The following RNF212 variants were observed in gnomAD, a reference collection of about 807,000 sequenced individuals.
RNF212 encodes probable E3 SUMO-protein ligase RNF212.
A neutral mutation model predicts 34.7 loss-of-function variants in RNF212; 33 were observed. That is an observed-to-expected ratio of 0.95 (90% CI 0.72 to 1.27). The LOEUF is 1.27. RNF212 is among the 50% of genes most tolerant of loss of function. The pLI is 0.00. For synonymous variants in RNF212, 140 were observed against 136.1 expected, an observed-to-expected ratio of 1.03 and a Z score of -0.20; for missense variants, 377 against 362.2, an observed-to-expected ratio of 1.04 and a Z score of -0.33.
At chr4:1,093,795 T>G (rs1295935555) in intron 3 of RNF212, 1 of 1,535,736 alleles carries the variant, frequency 6.5e-7, no homozygotes, top group Admixed American at 2.0e-5. Context: ...TGGAGCAGGG[T>G]GAGGGGGTGA....
chr4:1,112,164 G>A (rs1725779446), intron 1 of RNF212, among the ~76,000 whole-genome samples: 1 of 152,132 alleles, frequency 6.6e-6, no homozygotes, highest in Admixed American at 6.5e-5. Context: ...CCGAGATCCC[G>A]CCACCGAACT....
At chr4:1,074,294 G>A (rs1718921770) in intron 8 of RNF212, among the ~76,000 whole-genome samples, 1 of 152,172 alleles carries the variant, frequency 6.6e-6, no homozygotes, top group Non-Finnish European at 1.5e-5. Flanking sequence ...TCTAGTTGCT[G>A]CCCCTTCCTG....
At chr4:1,077,125 G>A (rs1719438689) in intron 8 of RNF212, among the ~76,000 whole-genome samples, 1 of 152,206 alleles carries the variant, frequency 6.6e-6, no homozygotes, top group East Asian at 1.9e-4. Flanking sequence ...CTACTCGGGA[G>A]GCTGAGGCAG....
chr4:1,079,763 T>A (rs1720029468), intron 7 of RNF212, 75 bp from the exon 8 acceptor site: 1 of 964,336 alleles, frequency 1.0e-6, no homozygotes, highest in Non-Finnish European at 1.7e-6. Flanking sequence ...AATACACACA[T>A]GACGAGATGA....
chr4:1,060,146 G>C (rs10084890), intron 3 of RNF212, among the ~76,000 whole-genome samples: 118,939 of 149,600 alleles, frequency 0.8, 47,787 homozygotes, highest in African/African-American at 0.89. Flanking sequence ...TTACTCAATG[G>C]AAATTTTTCA....
intron 5 of RNF212, among the ~76,000 whole-genome samples, chr4:1,082,365 C>T (rs1421174895): frequency 1.3e-5 from 2 of 152,170 alleles, no homozygotes; most frequent in African/African-American, 4.8e-5. Context: ...CTGAGATGCA[C>T]ACGTAAGACT....
chr4:1,090,683 G>A (rs1722049195), intron 4 of RNF212, 99 bp downstream of exon 4: 2 of 751,370 alleles, frequency 2.7e-6, no homozygotes. Flanking sequence ...ATTGCATCTA[G>A]CAGCCATCCC....
intron 2 of RNF212, chr4:1,101,203 T>C (rs147238314): frequency 9.9e-5 from 26 of 263,444 alleles, no homozygotes; most frequent in Admixed American, 2.3e-4. Context: ...GCACTCACAG[T>C]GCAGTAGCCG....
chr4:1,056,791 G>A (rs888148593), intron 4 of RNF212: 43 of 952,662 alleles, frequency 4.5e-5, no homozygotes, highest in Admixed American at 1.2e-4. Flanking sequence ...CTTTACACAC[G>A]CACTTTCCCA....
intron 5 of RNF212, among the ~76,000 whole-genome samples, chr4:1,082,926 G>C (rs558742754): frequency 5.9e-5 from 9 of 152,218 alleles, no homozygotes; most frequent in Non-Finnish European, 1.2e-4. Flanking sequence ...GCACTGTTTC[G>C]TGGGAGCAAG....
At position 1,072,644 on chromosome 4, in the gene RNF212, C is replaced by A; in HGVS notation, c.*230G>T. On this transcript the variant is annotated 3_prime_UTR_variant, in exon 10 of 10. Coordinates refer to ENST00000433731, the MANE Select transcript of RNF212 (RefSeq NM_001131034.4). ...AAAAAAAACTCCCTAAGCATGAGAA[C>A]CTATAAAATAAAAGGGATAATAACA... 2.7e-6 allele frequency: 3 copies of A among 1,099,736 alleles called. No homozygotes were observed. The highest frequency in any genetic ancestry group is 3.4e-6 in the Non-Finnish European group (3 of 874,012). The allele number at this position is 1,099,736 out of a possible 1,614,324, so 68.1% of individuals were successfully genotyped here. A position where few individuals can be genotyped will look rare whatever the true frequency, so the allele number is the denominator to read the frequency against.
chr4:1,092,779 G>T (rs531386414), intron 3 of RNF212, among the ~76,000 whole-genome samples: 2 of 152,224 alleles, frequency 1.3e-5, no homozygotes, highest in Non-Finnish European at 2.9e-5. Context: ...TGCTTTGCCC[G>T]CATCCTGCGA....
chr4:1,063,385 A>G (rs1717874729), intron 3 of RNF212, among the ~76,000 whole-genome samples: 1 of 152,216 alleles, frequency 6.6e-6, no homozygotes, highest in East Asian at 1.9e-4. Flanking sequence ...CACCTACAGG[A>G]CAATACGATT....
At chr4:1,066,804 G>A (rs1718126410), downstream of RNF212, among the ~76,000 whole-genome samples, 1 of 152,040 alleles carries the variant, frequency 6.6e-6, no homozygotes, top group African/African-American at 2.4e-5. Flanking sequence ...AAATTTTCAT[G>A]AGGTCAATTT....
At chr4:1,077,304 G>A (rs1464740130) in intron 8 of RNF212, among the ~76,000 whole-genome samples, 3 of 152,176 alleles carry the variant, frequency 2.0e-5, no homozygotes, top group Non-Finnish European at 4.4e-5. Context: ...CCTCACTTAG[G>A]AACTTTGATT....
At chr4:1,098,525 G>A (rs1723417303) in intron 2 of RNF212, among the ~76,000 whole-genome samples, 2 of 152,184 alleles carry the variant, frequency 1.3e-5, no homozygotes, top group African/African-American at 4.8e-5. Context: ...CAACAGAGGG[G>A]AGACCTGGCT....
chr4:1,112,034 C>T (rs1725753218), intron 1 of RNF212, among the ~76,000 whole-genome samples: 1 of 152,176 alleles, frequency 6.6e-6, no homozygotes, highest in Non-Finnish European at 1.5e-5. Flanking sequence ...CAAAGGGACC[C>T]CATCTCTGTG....
intron 2 of RNF212, chr4:1,099,845 C>G (rs1723676097): frequency 2.2e-6 from 1 of 456,168 alleles, no homozygotes; most frequent in Non-Finnish European, 4.4e-6. Context: ...ACGGGTACCC[C>G]TGTGCGGGAT....
At chr4:1,106,094 A>G (rs1473219344) in intron 2 of RNF212, among the ~76,000 whole-genome samples, 1 of 152,314 alleles carries the variant, frequency 6.6e-6, no homozygotes, top group East Asian at 1.9e-4. Flanking sequence ...CCAGAGTGAG[A>G]GGAGGAGGAA....
Sources: allele counts gnomAD v4.1 joint callset (sites outside exome capture counted in the v4.1 genomes callset), GRCh38; gene constraint gnomAD v4.1.1; transcripts MANE v1.5; gene names NCBI Gene and HGNC (gene_info 2026-07-23, HGNC 2026-07-21).